DNAH14: variants seen among roughly 807,000 people sequenced by gnomAD.
DNAH14 encodes the protein axonemal beta dynein heavy chain 14.
Under a neutral mutation model 520.9 loss-of-function variants are expected in DNAH14, and 478 were observed. The observed-to-expected ratio is 0.92, with a 90% CI of 0.85 to 0.99. The LOEUF (loss-of-function observed/expected upper bound fraction) is 0.99, where lower values mean the gene tolerates loss of function less well. Ranked by LOEUF, DNAH14 falls within the 50% of genes least tolerant of loss-of-function variation. The pLI is 0.00. For synonymous variants in DNAH14, 1,581 were observed against 1,757.2 expected, an observed-to-expected ratio of 0.90 and a Z score of 2.51; for missense variants, 4,831 against 5,234.5, an observed-to-expected ratio of 0.92 and a Z score of 2.38.
Position 224,973,444 on chromosome 1 carries a change from G to C in DNAH14, c.768-647G>C, listed in dbSNP as rs182645869. Among the ~76,000 whole-genome samples the C allele has an allele frequency of 1.3e-3, 200 of 152,282 alleles. 2 individuals are homozygous for C. Among genetic ancestry groups the C allele is most frequent in the Admixed American group, 0.012 (180 of 15,306 alleles). ...CTACCAAGGGAGTGATTGTGATATTGCATTAGACTAGTCCCACACGTGCAT... is the reference window on the plus strand; with the variant it reads ...CTACCAAGGGAGTGATTGTGATATTCCATTAGACTAGTCCCACACGTGCAT... On this transcript the variant is annotated intron_variant, in intron 7 of 85. Coordinates refer to ENST00000682510, the MANE Select transcript of DNAH14 (RefSeq NM_001367479.1).
intron 8 of DNAH14, among the ~76,000 whole-genome samples, chr1:224,998,346 A>G (rs1013851065): frequency 6.6e-6 from 1 of 151,848 alleles, no homozygotes; most frequent in Non-Finnish European, 1.5e-5. Context: ...TTTGTTTTCT[A>G]AGTTCTTAAA....
intron 81 of DNAH14, among the ~76,000 whole-genome samples, chr1:225,383,180 G>A (rs188436675): frequency 3.4e-4 from 52 of 152,310 alleles, no homozygotes; most frequent in Admixed American, 2.7e-3. Context: ...AAATAAGTAA[G>A]TTGTATGGCA....
chr1:225,267,915 G>GA (rs1414818745), intron 49 of DNAH14, among the ~76,000 whole-genome samples: 1 of 151,790 alleles, frequency 6.6e-6, no homozygotes, highest in Non-Finnish European at 1.5e-5. Flanking sequence ...CAGGAGACTA[G>GA]AAAAAAGAGA....
chr1:225,123,748 A>G (rs1266325452), intron 27 of DNAH14, 134 bp downstream of exon 27: 1 of 192,798 alleles, frequency 5.2e-6, no homozygotes, highest in African/African-American at 2.4e-5. Context: ...TAGGGCCTAT[A>G]ACAGTTATGT....
intron 43 of DNAH14, among the ~76,000 whole-genome samples, chr1:225,248,923 G>T (rs1454619416): frequency 6.6e-6 from 1 of 152,156 alleles, no homozygotes; most frequent in South Asian, 2.1e-4. Context: ...AAGGTGATAA[G>T]GTCCTGGTAC....
chr1:225,346,166 A>T lies in DNAH14; in HGVS notation c.10883A>T (p.Gln3628Leu). The change falls in exon 70 of 86, where the codon CAG becomes CTG. Residue 3628 changes from glutamine to leucine, a missense_variant. Coordinates refer to ENST00000682510, the MANE Select transcript of DNAH14 (RefSeq NM_001367479.1). ...CTCACACAAATCAACTACATGTACC[A>T]GTTCTCCCTAGACTGGTTTCATCAG... ...ADLTQINYMY[Q>L]FSLDWFHQVF... The T allele has an allele frequency of 6.4e-7, 1 of 1,551,646 alleles. No homozygotes were observed. The highest frequency in any genetic ancestry group is 8.7e-7 in the Non-Finnish European group (1 of 1,146,968).
In DNAH14 at chr1:225,051,790, T is replaced by C. The variant is rs2068559631; in HGVS notation, c.2419T>C (p.Leu807=). The C allele has an allele frequency of 6.7e-7, 1 of 1,488,590 alleles. No homozygotes were observed. Among genetic ancestry groups the C allele is most frequent in the Non-Finnish European group, 8.9e-7 (1 of 1,120,708 alleles). 92.2% of individuals were successfully genotyped at this position (1,488,590 alleles called of 1,614,324 possible). Residue 807 remains leucine, a synonymous_variant, in exon 17 of 86, where the codon TTG becomes CTG. Transcript: ENST00000682510. ...AATTGAAAAAAAGAACAAAAATTTA[T>C]TGGAAGTAAGTATTTTGAAAATTCT... is the stretch of plus-strand genomic sequence containing the variant. ...SVIEKKNKNL[L]EVVESSLQQL...
At chr1:225,312,043 G>T (rs2094377901) in intron 60 of DNAH14, among the ~76,000 whole-genome samples, 1 of 152,090 alleles carries the variant, frequency 6.6e-6, no homozygotes, top group Non-Finnish European at 1.5e-5. Context: ...GAGCAGTATG[G>T]CCATTTTCCT....
intron 7 of DNAH14, among the ~76,000 whole-genome samples, chr1:224,970,928 C>G (rs950597542): frequency 6.6e-6 from 1 of 152,088 alleles, no homozygotes; most frequent in African/African-American, 2.4e-5. Flanking sequence ...TTGTATTGAA[C>G]AAACCAAACA....
At chr1:224,952,920 T>G (rs1300767121) in intron 2 of DNAH14, 141 bp downstream of exon 2, 1 of 565,838 alleles carries the variant, frequency 1.8e-6, no homozygotes, top group Non-Finnish European at 2.8e-6. Flanking sequence ...TTAGAAAACC[T>G]TAGTTTCTCA....
chr1:225,398,776 A>G, intron 85 of DNAH14, 110 bp downstream of exon 85: 1 of 1,382,198 alleles, frequency 7.2e-7, no homozygotes. Context: ...AGATGTGATA[A>G]TATACTCAGA....
In DNAH14 at chr1:225,117,796, C is replaced by A; in HGVS notation, c.3972+8C>A. On this transcript the variant is annotated splice_region_variant and intron_variant, in intron 24 of 85. Coordinates refer to ENST00000682510, the MANE Select transcript of DNAH14 (RefSeq NM_001367479.1). The stretch of plus-strand genomic sequence containing the variant: ...AATCCTGAGTCTGTACAGGTAATAA[C>A]ATCTTTCTCTGCTCAGCAATATTAT... 1 of 1,538,428 alleles carries A rather than the reference C, an allele frequency of 6.5e-7. No individual in the cohort carries two copies. Among genetic ancestry groups the A allele is most frequent in the Non-Finnish European group, 8.8e-7 (1 of 1,135,826 alleles).
At chr1:225,122,212 C>T (rs2077356346) in intron 26 of DNAH14, among the ~76,000 whole-genome samples, 1 of 152,078 alleles carries the variant, frequency 6.6e-6, no homozygotes, top group Admixed American at 6.5e-5. Flanking sequence ...TTTGATGGTA[C>T]TAGTTTTTCT....
rs41310563 is a variant in DNAH14, at chr1:225,097,089, T to G, written c.3574-29T>G. ...AAGAATAATTTTATATATTTAGATT[T>G]GTATGTGTATATGTTTTTATCATTG... On this transcript the variant is annotated intron_variant, in intron 21 of 85. Coordinates refer to ENST00000682510, the MANE Select transcript of DNAH14 (RefSeq NM_001367479.1). The G allele has an allele frequency of 2.5e-4, 378 of 1,497,862 alleles. 1 individual carries two copies. The highest frequency in any genetic ancestry group is 3.2e-4 in the Non-Finnish European group (358 of 1,118,882). 92.8% of individuals were successfully genotyped at this position (1,497,862 alleles called of 1,614,324 possible).
intron 10 of DNAH14, among the ~76,000 whole-genome samples, chr1:225,015,863 C>T (rs1375585709): frequency 1.3e-5 from 2 of 152,276 alleles, no homozygotes; most frequent in East Asian, 1.9e-4. Context: ...CCACACTCAC[C>T]AGACTATGGA....
chr1:225,264,168 T>C (rs1275740213), intron 46 of DNAH14, 29 bp from the exon 47 acceptor site: 2 of 1,530,256 alleles, frequency 1.3e-6, no homozygotes, highest in East Asian at 4.9e-5. Context: ...AACAAACTAA[T>C]TTTGAATCCT....
Position 225,232,587 on chromosome 1 carries a change from C to G in DNAH14, c.6518+1436C>G, listed in dbSNP as rs2091232804. ...TTGCTCTGATTGTGCTTCAGTGACA[C>G]TTGCTTTTTCTTCAGTTTCTCAAAC... On this transcript the variant is annotated intron_variant, in intron 42 of 85. Transcript: ENST00000682510. This position sits in a 1 kb window ranked among gnomAD's most constrained non-coding sequence, Gnocchi z 4.2. 6.6e-6 allele frequency among the ~76,000 whole-genome samples: 1 copy of G among 152,158 alleles called. No individual in the cohort carries two copies. The highest frequency in any genetic ancestry group is 2.4e-5 in the African/African-American group (1 of 41,444).
chr1:225,185,340 C>T lies in DNAH14; in HGVS notation c.5585C>T (p.Thr1862Ile), dbSNP rs2084559778. ...GGCCCAACAGGTGGAGGAAAGACAA[C>T]AGTCAGAAGAATTTTGGAAAAAGCA... ...LVGPTGGGKT[T>I]VRRILEKALT... The change falls in exon 37 of 86, where the codon ACA becomes ATA. Residue 1862 changes from threonine to isoleucine, a missense_variant. Coordinates refer to ENST00000682510, the MANE Select transcript of DNAH14 (RefSeq NM_001367479.1). 1.3e-6 allele frequency: 2 copies of T among 1,547,258 alleles called. No individual in the cohort carries two copies. Among genetic ancestry groups the T allele is most frequent in the Non-Finnish European group, 1.7e-6 (2 of 1,145,316 alleles).
intron 69 of DNAH14, among the ~76,000 whole-genome samples, chr1:225,341,992 C>T (rs879167994): frequency 6.6e-6 from 1 of 152,116 alleles, no homozygotes; most frequent in Admixed American, 6.5e-5. Flanking sequence ...CCAGTGGGTA[C>T]CGCCACAGAC....
Sources: allele counts gnomAD v4.1 joint callset (sites outside exome capture counted in the v4.1 genomes callset), GRCh38; gene constraint gnomAD v4.1.1; non-coding constraint Gnocchi (gnomAD v3.1); transcripts MANE v1.5; gene names NCBI Gene and HGNC (gene_info 2026-07-23, HGNC 2026-07-21).